The following RANBP2 variants were observed in gnomAD, a reference collection of about 807,000 sequenced individuals.
The protein encoded by RANBP2 is E3 SUMO-protein ligase RanBP2.
Under a neutral mutation model 303.6 loss-of-function variants are expected in RANBP2, and 57 were observed. That is an observed-to-expected ratio of 0.19 (90% CI 0.15 to 0.23). The LOEUF (loss-of-function observed/expected upper bound fraction) is 0.23. RANBP2 is among the 10% of genes least tolerant of loss of function. The pLI, the probability that RANBP2 is intolerant of heterozygous loss-of-function variation, is 1.00. For synonymous variants in RANBP2, 1,167 were observed against 1,301.5 expected (o/e 0.90, Z 2.23); for missense variants, 3,138 against 3,780.8 (o/e 0.83, Z 4.46).
chr2:109,086,453 C>T, the RANBP2 span, among the ~76,000 whole-genome samples: 10 of 152,178 alleles, frequency 6.6e-5, no homozygotes, highest in East Asian at 1.5e-3. Context: ...GTGGGGGTCT[C>T]GTTTTACTTT....
At chr2:108,789,950 C>A (rs1004408171), downstream of RANBP2, among the ~76,000 whole-genome samples, 2 of 152,066 alleles carry the variant, frequency 1.3e-5, no homozygotes, top group Non-Finnish European at 2.9e-5. Flanking sequence ...AAGATGTATC[C>A]ATATATAACA....
At chr2:109,681,229 A>G in the RANBP2 span, among the ~76,000 whole-genome samples, 1 of 152,154 alleles carries the variant, frequency 6.6e-6, no homozygotes, top group Non-Finnish European at 1.5e-5. Context: ...TAAAACTACT[A>G]ATGTATGAAG....
At chr2:109,547,290 A>T in the RANBP2 span, among the ~76,000 whole-genome samples, 2 of 151,938 alleles carry the variant, frequency 1.3e-5, no homozygotes, top group Non-Finnish European at 2.9e-5. Flanking sequence ...TATAGAAGGT[A>T]GAATGCAGTC....
chr2:108,727,062 T>G (rs2149088265), intron 1 of RANBP2, among the ~76,000 whole-genome samples: 1 of 152,258 alleles, frequency 6.6e-6, no homozygotes, highest in East Asian at 1.9e-4. Flanking sequence ...AACCATCCGA[T>G]TTCTCAATCT....
the RANBP2 span, among the ~76,000 whole-genome samples, chr2:108,832,024 C>T: frequency 1.1e-4 from 17 of 151,868 alleles, no homozygotes; most frequent in South Asian, 3.1e-3. Flanking sequence ...TGAGCCACCA[C>T]GCACAGCTTT....
chr2:109,717,272 C>CAAAAAAAAAAAAAAAAAAAAAACA, the RANBP2 span, among the ~76,000 whole-genome samples: 1 of 124,796 alleles, frequency 8.0e-6, no homozygotes, highest in Non-Finnish European at 1.6e-5. Context: ...AAAAACAAAC[C>CAAAAAAAAAAAAAAAAAAAAAACA]AAAAAAAAAA....
At chr2:109,105,057 GTGA>G in the RANBP2 span, among the ~76,000 whole-genome samples, 1 of 152,208 alleles carries the variant, frequency 6.6e-6, no homozygotes, top group Admixed American at 6.5e-5. Context: ...TGACCATAAG[GTGA>G]TGGTCAGGTA....
the RANBP2 span, among the ~76,000 whole-genome samples, chr2:109,727,199 G>C: frequency 1.3e-5 from 2 of 152,182 alleles, no homozygotes; most frequent in Non-Finnish European, 2.9e-5. Context: ...GTTCTAATAC[G>C]TTAAGAAAAC....
chr2:109,170,316 CCTCTCTCT>C, the RANBP2 span, among the ~76,000 whole-genome samples: 2 of 135,732 alleles, frequency 1.5e-5, no homozygotes, highest in African/African-American at 2.9e-5. Flanking sequence ...TCTCTTCTCT[CCTCTCTCT>C]CTCTCCTCTC....
the RANBP2 span, among the ~76,000 whole-genome samples, chr2:109,292,421 A>T: frequency 6.6e-6 from 1 of 152,280 alleles, no homozygotes; most frequent in East Asian, 1.9e-4. Flanking sequence ...TAATTGGAAT[A>T]TTTTCACTAC....
At chr2:108,865,895 AAGACAGGGT>A in the RANBP2 span, among the ~76,000 whole-genome samples, 1 of 152,144 alleles carries the variant, frequency 6.6e-6, no homozygotes, top group African/African-American at 2.4e-5. Context: ...TCAGTGCTCC[AAGACAGGGT>A]AGACATAAAC....
the RANBP2 span, among the ~76,000 whole-genome samples, chr2:108,868,916 A>C: frequency 6.6e-6 from 1 of 151,672 alleles, no homozygotes; most frequent in African/African-American, 2.4e-5. Context: ...AAAAAAATGA[A>C]ATTTTTTTCT....
the RANBP2 span, chr2:109,585,796 C>T: frequency 1.2e-6 from 2 of 1,613,730 alleles, no homozygotes; most frequent in South Asian, 1.1e-5. Flanking sequence ...CTCTCAAAAC[C>T]AACATGGCCA....
At chr2:109,300,783 C>T in the RANBP2 span, among the ~76,000 whole-genome samples, 1 of 152,228 alleles carries the variant, frequency 6.6e-6, no homozygotes, top group Admixed American at 6.5e-5. Context: ...CACCTCCTTT[C>T]TCAGAAGTGA....
chr2:109,451,412 G>A, the RANBP2 span, among the ~76,000 whole-genome samples: 7 of 152,216 alleles, frequency 4.6e-5, no homozygotes, highest in Non-Finnish European at 8.8e-5. Flanking sequence ...GACTTGGAAA[G>A]TGGGGGCTGT....
chr2:108,744,131 C>A (rs193044043), intron 7 of RANBP2, among the ~76,000 whole-genome samples: 185 of 152,310 alleles, frequency 1.2e-3, no homozygotes, highest in African/African-American at 4.4e-3. Flanking sequence ...TAGCCAGGCA[C>A]GGTGGCTCAC....
chr2:108,813,228 G>A, the RANBP2 span, among the ~76,000 whole-genome samples: 21 of 107,506 alleles, frequency 2.0e-4, no homozygotes, highest in Admixed American at 2.8e-3. Flanking sequence ...CAGCCTGGGC[G>A]ACAGAGTGAG....
chr2:109,536,502 C>A, the RANBP2 span, among the ~76,000 whole-genome samples: 324 of 152,302 alleles, frequency 2.1e-3, no homozygotes, highest in Non-Finnish European at 3.6e-3. Context: ...TACCTGTACC[C>A]CCGCTATATC....
chr2:109,508,128 CCATCTGA>C, the RANBP2 span, among the ~76,000 whole-genome samples: 1 of 152,116 alleles, frequency 6.6e-6, no homozygotes, highest in Admixed American at 6.5e-5. Context: ...GTTCAGGGTG[CCATCTGA>C]CACCTTCCCC....
Sources: allele counts gnomAD v4.1 joint callset (sites outside exome capture counted in the v4.1 genomes callset), GRCh38; gene constraint gnomAD v4.1.1; transcripts MANE v1.5; gene names NCBI Gene and HGNC (gene_info 2026-07-23, HGNC 2026-07-21).